Variants in PMS1 observed in about 807,000 individuals in gnomAD.
The protein encoded by PMS1 is PMS1 homolog 1, mismatch repair system component.
In PMS1, 79 loss-of-function variants were observed where a neutral mutation model predicts 93.1. That is an observed-to-expected ratio of 0.85 (90% CI 0.71 to 1.02). The LOEUF (loss-of-function observed/expected upper bound fraction) is 1.02, where lower values mean the gene tolerates loss of function less well. Among genes scored for constraint, PMS1 ranks in the 50% least tolerant of loss-of-function variants. The pLI, the probability that PMS1 is intolerant of heterozygous loss-of-function variation, is 0.00. For missense variants in PMS1, 1,064 were observed against 1,085.3 expected (o/e 0.98, Z 0.28); for synonymous variants, 335 against 363.4 (o/e 0.92, Z 0.89).
At chr2:189,850,774 G>A (rs2054621406) in intron 6 of PMS1, among the ~76,000 whole-genome samples, 1 of 152,112 alleles carries the variant, frequency 6.6e-6, no homozygotes, top group Admixed American at 6.6e-5. Flanking sequence ...CTTCCCAGAT[G>A]AGAGAATTGT....
In PMS1 at chr2:189,852,813, G is replaced by T. The variant is rs779234774; in HGVS notation, c.822+36G>T. 2.9e-6 allele frequency: 4 copies of T among 1,386,658 alleles called. No homozygotes were observed. In the Admixed American group the frequency reaches 6.7e-5, roughly 23 times the overall value. 85.9% of individuals were successfully genotyped at this position (1,386,658 alleles called of 1,614,324 possible). A position where few individuals can be genotyped will look rare whatever the true frequency, so the allele number is the denominator to read the frequency against. On this transcript the variant is annotated intron_variant, in intron 7 of 12. Transcript: ENST00000441310. ...TTAGAAAAAAAAAATTATTTGAATT[G>T]GAAATTTGTCACATTGTAACAAGGA...
At chr2:189,803,861 A>C (rs1218714029) in intron 3 of PMS1, among the ~76,000 whole-genome samples, 3 of 152,254 alleles carry the variant, frequency 2.0e-5, no homozygotes, top group Non-Finnish European at 4.4e-5. Flanking sequence ...TAATTTTACA[A>C]AATTTTAATG....
At chr2:189,823,069 T>C (rs1575148770) in intron 5 of PMS1, among the ~76,000 whole-genome samples, 1 of 151,138 alleles carries the variant, frequency 6.6e-6, no homozygotes. Context: ...TTTTTTCATC[T>C]CTTTTTTCTT....
At chr2:189,789,834 A>G (rs1215123209) in intron 1 of PMS1, among the ~76,000 whole-genome samples, 1 of 152,070 alleles carries the variant, frequency 6.6e-6, no homozygotes, top group Non-Finnish European at 1.5e-5. Context: ...TAAAATCTTG[A>G]TTCTGCAGAG....
intron 9 of PMS1, among the ~76,000 whole-genome samples, chr2:189,862,477 A>G (rs2056120981): frequency 1.3e-5 from 2 of 152,128 alleles, no homozygotes; most frequent in South Asian, 4.1e-4. Flanking sequence ...GTTGGCTTCT[A>G]CTGACCACTT....
chr2:189,858,831 A>T (rs1395186867), intron 9 of PMS1, among the ~76,000 whole-genome samples: 2 of 152,146 alleles, frequency 1.3e-5, no homozygotes, highest in Non-Finnish European at 2.9e-5. Context: ...AATGTAGTTT[A>T]CAGTGAAATA....
Position 189,818,005 on chromosome 2 carries a change from G to A in PMS1, c.419-12G>A, listed in dbSNP as rs377119461. 8 of 1,600,596 alleles carry A rather than the reference G, an allele frequency of 5.0e-6. No homozygotes were observed. Among genetic ancestry groups the A allele is most frequent in the African/African-American group, 2.7e-5 (2 of 74,640 alleles). ...CCAAATCTAAATGTGCTTTTCTCTT[G>A]TCTGCCAACAGGTACAACTGTAACT... is the stretch of plus-strand genomic sequence containing the variant. On this transcript the variant is annotated splice_polypyrimidine_tract_variant and intron_variant, in intron 4 of 12. Transcript: ENST00000441310.
chr2:189,805,597 T>C (rs2106276438), intron 3 of PMS1, 55 bp from the exon 4 acceptor site: 1 of 1,314,166 alleles, frequency 7.6e-7, no homozygotes, highest in South Asian at 1.2e-5. Flanking sequence ...TCTTTGATAA[T>C]GAACCCATCG....
intron 5 of PMS1, among the ~76,000 whole-genome samples, chr2:189,830,401 G>T (rs2052820858): frequency 6.6e-6 from 1 of 152,096 alleles, no homozygotes; most frequent in South Asian, 2.1e-4. Flanking sequence ...CAAGTAACTG[G>T]TTCAATCCTC....
Position 189,864,070 on chromosome 2 carries a change from C to T in PMS1, c.2184C>T (p.His728=). 6.2e-7 allele frequency: 1 copy of T among 1,613,390 alleles called. No homozygotes were observed. Among genetic ancestry groups the T allele is most frequent in the Non-Finnish European group, 8.5e-7 (1 of 1,179,442 alleles). ...AGAAGGATGAACCTTGCTTGATCCA[C>T]AATCTCAGGTTTCCTGATGCATGGC... is the stretch of plus-strand genomic sequence containing the variant. ...LEEKDEPCLI[H]NLRFPDAWLM... Residue 728 remains histidine (H), a synonymous_variant, in exon 10 of 13, where the codon CAC becomes CAT. Transcript: ENST00000441310.
intron 4 of PMS1, chr2:189,806,616 C>T (rs531783322): frequency 1.8e-4 from 36 of 200,354 alleles, no homozygotes; most frequent in East Asian, 9.4e-4. Flanking sequence ...CAGCTGGCCT[C>T]GAACTCCTGA....
Position 189,855,118 on chromosome 2 carries a change from GA to G in PMS1, c.1851del (p.Lys617AsnfsTer2). On this transcript the variant is annotated frameshift_variant, in exon 9 of 13. Coordinates refer to ENST00000441310, the MANE Select transcript of PMS1 (RefSeq NM_000534.5). LOFTEE classifies it high-confidence loss of function. ...ACTGTGGAAGACATTGAGTGAAGAG[GA>G]AAAACTGAAGTAAGTTTCCAGAGCT... ...EELWKTLSEEEKLKYEEKATK... is the reference protein window; with the variant it reads ...EELWKTLSEEXKLKYEEKATK... 1 of 1,612,782 alleles carries G rather than the reference GA, an allele frequency of 6.2e-7. No individual in the cohort carries two copies. Among genetic ancestry groups the G allele is most frequent in the East Asian group, 2.2e-5 (1 of 44,800 alleles).
At chr2:189,801,895 C>T (rs1473590166) in intron 3 of PMS1, among the ~76,000 whole-genome samples, 1 of 152,198 alleles carries the variant, frequency 6.6e-6, no homozygotes, top group East Asian at 1.9e-4. Context: ...GCTTATTCCC[C>T]TCTGCAAATA....
At position 189,791,832 on chromosome 2, in the gene PMS1, C is replaced by T. The variant is rs1367989549; in HGVS notation, c.23C>T (p.Thr8Ile). Residue 8 changes from threonine to isoleucine, a missense_variant, in exon 2 of 13, where the codon ACA (threonine) becomes ATA (isoleucine). Physicochemically the swap from Thr to Ile is moderately conservative, Grantham distance 89. Transcript: ENST00000441310. MKQLPAA[T>I]VRLLSSSQII... is the part of the protein sequence containing the mutation. ...AAAATGAAACAATTGCCTGCGGCAA[C>T]AGTTCGACTCCTTTCAAGTTCTCAG... 6.2e-7 allele frequency: 1 copy of T among 1,613,940 alleles called. No homozygotes were observed. Among genetic ancestry groups the T allele is most frequent in the Non-Finnish European group, 8.5e-7 (1 of 1,179,864 alleles).
intron 5 of PMS1, among the ~76,000 whole-genome samples, chr2:189,818,783 C>G (rs1216825656): frequency 6.6e-6 from 1 of 152,134 alleles, no homozygotes; most frequent in African/African-American, 2.4e-5. Flanking sequence ...GGCTTGAGTG[C>G]TTCCTTTTAT....
chr2:189,829,481 G>C (rs2052736331), intron 5 of PMS1, among the ~76,000 whole-genome samples: 1 of 152,028 alleles, frequency 6.6e-6, no homozygotes, highest in African/African-American at 2.4e-5. Context: ...TCCTTACCCT[G>C]CTTAAATTTT....
Position 189,844,033 on chromosome 2 carries a change from G to GT in PMS1, c.654dup (p.Met219TyrfsTer12). Reference sequence around the variant, plus strand: ...TCTCATGTCAGTTCTGGGGACTGCTGTTATGAACAATATGGAATCCTTTCA... The same window carrying GT: ...TCTCATGTCAGTTCTGGGGACTGCTGTTTATGAACAATATGGAATCCTTTCA... On this transcript the variant is annotated frameshift_variant, in exon 6 of 13. Transcript: ENST00000441310. LOFTEE classifies it high-confidence loss of function. The GT allele has an allele frequency of 6.2e-7, 1 of 1,613,994 alleles. No individual in the cohort carries two copies. The highest frequency in any genetic ancestry group is 8.5e-7 in the Non-Finnish European group (1 of 1,179,954).
At chr2:189,876,663 C>A (rs539921228) in intron 12 of PMS1, among the ~76,000 whole-genome samples, 3 of 152,080 alleles carry the variant, frequency 2.0e-5, no homozygotes, top group African/African-American at 7.2e-5. Context: ...AGCTGGAGGG[C>A]AGTGGCATGA....
intron 3 of PMS1, among the ~76,000 whole-genome samples, chr2:189,798,203 G>A (rs1382452069): frequency 6.6e-6 from 1 of 152,108 alleles, no homozygotes; most frequent in Non-Finnish European, 1.5e-5. Flanking sequence ...TCACTTCCGC[G>A]CCACTGTAAA....
Sources: allele counts gnomAD v4.1 joint callset (sites outside exome capture counted in the v4.1 genomes callset), GRCh38; gene constraint gnomAD v4.1.1; transcripts MANE v1.5; gene names NCBI Gene and HGNC (gene_info 2026-07-23, HGNC 2026-07-21).